CTNNA2: variants seen among roughly 807,000 people sequenced by gnomAD.
CTNNA2 encodes catenin alpha 2.
In CTNNA2, 42 loss-of-function variants were observed where a neutral mutation model predicts 101.0. That is an observed-to-expected ratio of 0.42 (90% confidence interval 0.32 to 0.54). The LOEUF (loss-of-function observed/expected upper bound fraction) is 0.54, where lower values mean the gene tolerates loss of function less well. Ranked by LOEUF, CTNNA2 falls within the 20% of genes least tolerant of loss-of-function variation. CTNNA2 has a pLI of 0.14. For missense variants in CTNNA2, 871 were observed against 1,223.1 expected (o/e 0.71, Z 4.29); for synonymous variants, 450 against 456.4 (o/e 0.99, Z 0.18).
rs1392359090 is a variant in CTNNA2 at position 79,413,125 on chromosome 2, G to GT, written c.-135+39116dup. Among the ~76,000 whole-genome samples, 4 of 151,932 alleles carry GT rather than the reference G, an allele frequency of 2.6e-5. 1 individual carries two copies. Among genetic ancestry groups the GT allele is most frequent in the Admixed American group, 1.3e-4 (2 of 15,202 alleles). ...TCTGGTAACCACAGATTTACTCTCT[G>GT]TTTTGAGAGGTGTTTATTATCATTG... On this transcript the variant is annotated intron_variant, in intron 4 of 21. Coordinates refer to the CTNNA2 transcript ENST00000466387.
intron 9 of CTNNA2, among the ~76,000 whole-genome samples, chr2:80,520,061 C>T (rs1689411566): frequency 6.6e-6 from 1 of 152,116 alleles, no homozygotes; most frequent in Admixed American, 6.6e-5. Flanking sequence ...GGAACACCCC[C>T]TGTGTTTCCC....
At chr2:79,683,359 TAATAAC>T (rs1405876414) in intron 2 of CTNNA2, among the ~76,000 whole-genome samples, 1 of 152,188 alleles carries the variant, frequency 6.6e-6, no homozygotes, top group Non-Finnish European at 1.5e-5. Flanking sequence ...CATACAGAAA[TAATAAC>T]AATACACAGT....
At chr2:79,523,644 T>A (rs896446542) in intron 1 of CTNNA2, among the ~76,000 whole-genome samples, 1 of 152,164 alleles carries the variant, frequency 6.6e-6, no homozygotes, top group Non-Finnish European at 1.5e-5. Flanking sequence ...AGTCATAAGG[T>A]CTGTGAATTT....
intron 4 of CTNNA2, among the ~76,000 whole-genome samples, chr2:79,421,982 A>G (rs915929149): frequency 1.3e-5 from 2 of 152,038 alleles, no homozygotes; most frequent in Admixed American, 6.5e-5. Context: ...GTGAAATTCC[A>G]TCTCTACTAA....
intron 7 of CTNNA2, among the ~76,000 whole-genome samples, chr2:80,216,449 A>G (rs1250784504): frequency 2.0e-5 from 3 of 152,256 alleles, no homozygotes; most frequent in Admixed American, 1.3e-4. Context: ...TTTGTGTCCA[A>G]CAAAATTCAT....
At chr2:79,838,591 A>T (rs1679566978) in intron 3 of CTNNA2, among the ~76,000 whole-genome samples, 1 of 152,100 alleles carries the variant, frequency 6.6e-6, no homozygotes, top group Non-Finnish European at 1.5e-5. Context: ...GATTCTCATG[A>T]TTTGACTAAT....
chr2:79,264,939 CAG>C (rs1197328659), intron 2 of CTNNA2, among the ~76,000 whole-genome samples: 1 of 152,132 alleles, frequency 6.6e-6, no homozygotes, highest in Non-Finnish European at 1.5e-5. Flanking sequence ...GCATACAACA[CAG>C]AAGTTCTGTT....
At chr2:80,396,518 C>G (rs1322732868) in intron 8 of CTNNA2, among the ~76,000 whole-genome samples, 1 of 152,152 alleles carries the variant, frequency 6.6e-6, no homozygotes, top group Non-Finnish European at 1.5e-5. Context: ...TGCCTACTGG[C>G]CCACATGGTC....
intron 7 of CTNNA2, among the ~76,000 whole-genome samples, chr2:80,321,216 T>C (rs868224562): frequency 7.4e-4 from 112 of 152,162 alleles, no homozygotes; most frequent in African/African-American, 2.6e-3. Flanking sequence ...AAATATTTAG[T>C]GTATAGATTA....
chr2:80,249,922 T>A (rs1211198365), intron 7 of CTNNA2, among the ~76,000 whole-genome samples: 1 of 152,232 alleles, frequency 6.6e-6, no homozygotes. Flanking sequence ...ATTTTCTTAA[T>A]GTTTTCTTTC....
At chr2:79,875,270 G>A (rs1682928426) in intron 6 of CTNNA2, among the ~76,000 whole-genome samples, 9 of 152,150 alleles carry the variant, frequency 5.9e-5, no homozygotes, top group Admixed American at 5.9e-4. Context: ...TTCCCCCCGG[G>A]TCAGAGGACC....
chr2:79,437,103 G>C (rs1678724696), intron 4 of CTNNA2, among the ~76,000 whole-genome samples: 1 of 151,926 alleles, frequency 6.6e-6, no homozygotes, highest in Non-Finnish European at 1.5e-5. Flanking sequence ...GTATGGTGGT[G>C]TGTGCCTGTA....
intron 7 of CTNNA2, among the ~76,000 whole-genome samples, chr2:80,167,591 G>A (rs1041655806): frequency 2.0e-4 from 30 of 152,288 alleles, no homozygotes; most frequent in African/African-American, 7.2e-4. Context: ...CCTTGAATGT[G>A]GACCTGAGGG....
intron 7 of CTNNA2, among the ~76,000 whole-genome samples, chr2:80,291,859 G>C (rs1675286067): frequency 6.6e-6 from 1 of 152,176 alleles, no homozygotes; most frequent in Non-Finnish European, 1.5e-5. Flanking sequence ...AGGTTCACCA[G>C]GGCTGCCAGA....
chr2:79,794,587 T>C (rs1345775375), intron 3 of CTNNA2, among the ~76,000 whole-genome samples: 1 of 152,122 alleles, frequency 6.6e-6, no homozygotes, highest in African/African-American at 2.4e-5. Context: ...ACAAAACTTA[T>C]CATAAGATCT....
intron 1 of CTNNA2, among the ~76,000 whole-genome samples, chr2:79,626,411 TA>T: frequency 6.6e-6 from 1 of 152,196 alleles, no homozygotes; most frequent in African/African-American, 2.4e-5. Context: ...TTGAGAAAAA[TA>T]ACCAAGTTTG....
At chr2:79,465,878 T>G (rs426508) in intron 4 of CTNNA2, among the ~76,000 whole-genome samples, 45,911 of 152,090 alleles carry the variant, frequency 0.3, 7,160 homozygotes, top group South Asian at 0.45. Flanking sequence ...AAGGAGATTT[T>G]GGGCTGAGAC....
At chr2:80,176,596 A>G (rs1429113843) in intron 7 of CTNNA2, among the ~76,000 whole-genome samples, 1 of 152,126 alleles carries the variant, frequency 6.6e-6, no homozygotes, top group Non-Finnish European at 1.5e-5. Context: ...TCATTCCTGT[A>G]GGGTCTATGT....
At chr2:80,279,162 G>A (rs988072730) in intron 7 of CTNNA2, among the ~76,000 whole-genome samples, 8 of 151,666 alleles carry the variant, frequency 5.3e-5, no homozygotes, top group African/African-American at 1.7e-4. Flanking sequence ...GGACAGCCTG[G>A]AGAAACATTC....
Sources: allele counts gnomAD v4.1 joint callset (sites outside exome capture counted in the v4.1 genomes callset), GRCh38; gene constraint gnomAD v4.1.1; transcripts MANE v1.5; gene names NCBI Gene and HGNC (gene_info 2026-07-23, HGNC 2026-07-21).